UBP1: variants seen among roughly 807,000 people sequenced by gnomAD.
UBP1 encodes the protein upstream-binding protein 1.
In UBP1, 22 loss-of-function variants were observed where a neutral mutation model predicts 76.1. That is an observed-to-expected ratio of 0.29 (90% confidence interval 0.21 to 0.41). The LOEUF (loss-of-function observed/expected upper bound fraction) is 0.41. Among genes scored for constraint, UBP1 ranks in the 10% least tolerant of loss-of-function variants. The pLI, the probability that UBP1 is intolerant of heterozygous loss-of-function variation, is 1.00. For missense variants in UBP1, 436 were observed against 668.1 expected (o/e 0.65, Z 3.83); for synonymous variants, 224 against 237.1 (o/e 0.94, Z 0.51).
At position 33,438,329 on chromosome 3, in the gene UBP1, T is replaced by C. The variant is rs374166661; in HGVS notation, c.113+1407A>G. Among the ~76,000 whole-genome samples the C allele has an allele frequency of 5.6e-4, 86 of 152,332 alleles. 1 individual carries two copies. The highest frequency in any genetic ancestry group is 1.9e-3 in the African/African-American group (80 of 41,586). ...AGAAGCAACTGAGGAGAGACACATA[T>C]TGAACTTGCTTCACGTGCCTCCTTT... On this transcript the variant is annotated intron_variant, in intron 1 of 15. Coordinates refer to ENST00000283629, the MANE Select transcript of UBP1 (RefSeq NM_014517.5).
intron 8 of UBP1, chr3:33,403,126 A>G (rs2044293882): frequency 2.1e-6 from 1 of 471,392 alleles, no homozygotes; most frequent in Non-Finnish European, 3.8e-6. Context: ...GAGAAGACCT[A>G]AAGTGATGAC....
chr3:33,400,922 C>T, intron 10 of UBP1, 40 bp downstream of exon 10: 2 of 1,577,406 alleles, frequency 1.3e-6, no homozygotes, highest in Non-Finnish European at 1.7e-6. Context: ...AAATGTAGAA[C>T]CCTGAAAGCA....
At chr3:33,408,551 A>C (rs2044491215) in intron 8 of UBP1, 139 bp downstream of exon 8, 1 of 595,308 alleles carries the variant, frequency 1.7e-6, no homozygotes, top group Non-Finnish European at 2.8e-6. Flanking sequence ...CAGAAGCAGG[A>C]AGTCTAAACA....
intron 2 of UBP1, among the ~76,000 whole-genome samples, chr3:33,420,588 A>T (rs1025606416): frequency 2.7e-5 from 4 of 149,988 alleles, no homozygotes; most frequent in African/African-American, 7.4e-5. Flanking sequence ...TCCTGGGTTC[A>T]AACGGTTCTC....
chr3:33,420,540 G>T (rs1033465590), intron 2 of UBP1, among the ~76,000 whole-genome samples: 8 of 149,804 alleles, frequency 5.3e-5, no homozygotes, highest in African/African-American at 2.0e-4. Context: ...TCAGGCTGGA[G>T]TGCAGTGGCA....
At chr3:33,413,471 C>T (rs1044714472) in intron 3 of UBP1, among the ~76,000 whole-genome samples, 10 of 144,386 alleles carry the variant, frequency 6.9e-5, no homozygotes, top group South Asian at 4.6e-4. Flanking sequence ...GGTGTGAACC[C>T]GGGAGGCAGA....
At position 33,401,029 on chromosome 3, in the gene UBP1, G is replaced by A. The variant is rs1208742792; in HGVS notation, c.1032-13C>T. ...GGAAGAAGAATTGCTGGGGAGAAAGGAGAAAGAAGGAAATGATGATTTTTA... is the reference window on the plus strand; with the variant it reads ...GGAAGAAGAATTGCTGGGGAGAAAGAAGAAAGAAGGAAATGATGATTTTTA... On this transcript the variant is annotated splice_polypyrimidine_tract_variant and intron_variant, in intron 9 of 15. Transcript: ENST00000283629. 2.5e-6 allele frequency: 4 copies of A among 1,582,006 alleles called. No individual in the cohort carries two copies. The highest frequency in any genetic ancestry group is 3.4e-6 in the Non-Finnish European group (4 of 1,167,822).
At chr3:33,431,706 C>T (rs2045115517) in intron 1 of UBP1, among the ~76,000 whole-genome samples, 1 of 151,092 alleles carries the variant, frequency 6.6e-6, no homozygotes, top group African/African-American at 2.4e-5. Flanking sequence ...CGCCACTGCA[C>T]TCCAGCCTGG....
intron 1 of UBP1, among the ~76,000 whole-genome samples, chr3:33,437,236 T>C (rs927357516): frequency 5.3e-5 from 8 of 149,604 alleles, no homozygotes; most frequent in Non-Finnish European, 7.4e-5. Context: ...TTTTTCCTAC[T>C]GTTTTAAGAG....
At chr3:33,432,008 A>G (rs1274727173) in intron 1 of UBP1, among the ~76,000 whole-genome samples, 1 of 152,138 alleles carries the variant, frequency 6.6e-6, no homozygotes, top group Non-Finnish European at 1.5e-5. Flanking sequence ...AATTACATGT[A>G]TAGTCAAACA....
At chr3:33,416,735 G>A (rs780410647) in intron 3 of UBP1, 23 bp downstream of exon 3, 4 of 1,551,504 alleles carry the variant, frequency 2.6e-6, no homozygotes, top group Non-Finnish European at 3.5e-6. Context: ...TATCCATTGG[G>A]AATTAAAATG....
chr3:33,396,127 A>G, intron 13 of UBP1, 35 bp downstream of exon 13: 1 of 1,509,024 alleles, frequency 6.6e-7, no homozygotes, highest in South Asian at 1.2e-5. Context: ...TGACAGTCTC[A>G]GAAGTGACAG....
At chr3:33,396,618 G>A in intron 12 of UBP1, 1 of 403,806 alleles carries the variant, frequency 2.5e-6, no homozygotes, top group South Asian at 2.3e-5. Context: ...AGCAATGATA[G>A]TAAATGGTTC....
chr3:33,416,768 T>A lies in UBP1; in HGVS notation c.332A>T (p.Lys111Ile). 6.2e-7 allele frequency: 1 copy of A among 1,613,034 alleles called. No individual in the cohort carries two copies. Among genetic ancestry groups the A allele is most frequent in the Non-Finnish European group, 8.5e-7 (1 of 1,179,218 alleles). ...ATGGACTGTCCTTACCTTTACTAAT[T>A]TTCCATTGATCTCAGGCATATCACC... ...KMGDMPEING[K>I]LVKSIIRVVF... The change falls in exon 3 of 16, where the codon AAA becomes ATA. Residue 111 changes from lysine (K) to isoleucine (I), a missense_variant. Coordinates refer to ENST00000283629, the MANE Select transcript of UBP1 (RefSeq NM_014517.5).
At chr3:33,435,503 G>T (rs561617699) in intron 1 of UBP1, among the ~76,000 whole-genome samples, 2 of 152,278 alleles carry the variant, frequency 1.3e-5, no homozygotes, top group African/African-American at 4.8e-5. Flanking sequence ...AGCCAGGCAT[G>T]GTGGCACTGC....
chr3:33,394,486 T>C (rs184874138), intron 13 of UBP1, among the ~76,000 whole-genome samples: 6 of 149,280 alleles, frequency 4.0e-5, no homozygotes, highest in African/African-American at 1.2e-4. Context: ...CAATGAAGTG[T>C]GATGCTTCCT....
intron 15 of UBP1, chr3:33,391,223 A>T (rs1036153398): frequency 5.3e-5 from 8 of 152,204 alleles, no homozygotes; most frequent in Admixed American, 3.9e-4. Flanking sequence ...TAGTCTGGGG[A>T]CACCTGACAC....
chr3:33,394,191 T>TTTATTATTATTA lies in UBP1; in HGVS notation c.1391-749_1391-738dup, dbSNP rs148929407. On this transcript the variant is annotated intron_variant, in intron 13 of 15. Transcript: ENST00000283629. ...CACACGCCACCATGCCTGGCTAATTTTTATTATTATTATTATTATTATTAT... is the reference window on the plus strand; with the variant it reads ...CACACGCCACCATGCCTGGCTAATTTTTATTATTATTATTATTATTATTATTATTATTATTAT... 7.4e-3 allele frequency among the ~76,000 whole-genome samples: 1,055 copies of TTTATTATTATTA among 143,404 alleles called. 5 individuals are homozygous for TTTATTATTATTA. Among genetic ancestry groups the TTTATTATTATTA allele is most frequent in the Middle Eastern group, 0.025 (7 of 282 alleles). The allele number at this position is 143,404 out of a possible 152,430, so 94.1% of individuals were successfully genotyped here. A position where few individuals can be genotyped will look rare whatever the true frequency, so the allele number is the denominator to read the frequency against.
In UBP1 at chr3:33,411,598, T is replaced by C; in HGVS notation, c.538A>G (p.Thr180Ala). 1 of 1,614,064 alleles carries C rather than the reference T, an allele frequency of 6.2e-7. No individual in the cohort carries two copies. Among genetic ancestry groups the C allele is most frequent in the Non-Finnish European group, 8.5e-7 (1 of 1,179,960 alleles). ...VEFLWDPAKR[T>A]SAFIQVHCIS... Reference sequence around the variant, plus strand: ...ATCCAAACCTGAATGAAAGCAGAGGTGCGTTTTGCTGGGTCCCACAGAAAT... The same window carrying C: ...ATCCAAACCTGAATGAAAGCAGAGGCGCGTTTTGCTGGGTCCCACAGAAAT... The change falls in exon 5 of 16, where the codon ACC becomes GCC. Residue 180 changes from threonine (T) to alanine (A), a missense_variant. Thr to Ala is a moderately conservative substitution (Grantham distance 58, BLOSUM62 0). This residue lies in a region of UBP1 where 161 missense variants were observed against 237.9 expected (regional missense o/e 0.68). Coordinates refer to ENST00000283629, the MANE Select transcript of UBP1 (RefSeq NM_014517.5).
Sources: gnomAD v4.1 joint callset for allele counts (sites outside exome capture counted in the v4.1 genomes callset) on GRCh38, gnomAD v4.1.1 for gene constraint, gnomAD v4.1.1 regional missense constraint, MANE v1.5 for transcripts, NCBI Gene and HGNC (gene_info 2026-07-23, HGNC 2026-07-21) for gene names.